Variants in C17orf99 observed in about 807,000 individuals in gnomAD.
C17orf99 encodes the protein chromosome 17 open reading frame 99, also known as protein IL-40.
In C17orf99, 18 loss-of-function variants were observed where a neutral mutation model predicts 22.6. That is an observed-to-expected ratio of 0.80 (90% CI 0.55 to 1.18). The LOEUF (loss-of-function observed/expected upper bound fraction) is 1.18. Ranked by LOEUF, C17orf99 falls within the 50% of genes most tolerant of loss-of-function variation. C17orf99 has a pLI of 0.00. For synonymous variants in C17orf99, 147 were observed against 136.6 expected (o/e 1.08, Z -0.53); for missense variants, 328 against 342.7 (o/e 0.96, Z 0.34).
chr17:78,157,424 A>C (rs1403628818), intron 2 of C17orf99: 30 of 1,300,364 alleles, frequency 2.3e-5, no homozygotes, highest in African/African-American at 4.5e-5. Flanking sequence ...AGCCTCTTAA[A>C]ATGGCAGATG....
intron 2 of C17orf99, among the ~76,000 whole-genome samples, chr17:78,156,700 T>C (rs1435005194): frequency 6.6e-6 from 1 of 152,198 alleles, no homozygotes; most frequent in African/African-American, 2.4e-5. Flanking sequence ...AGCTTCAGTC[T>C]CCCAAGCTCA....
rs182898214 is a variant in C17orf99 at position 78,149,899 on chromosome 17, T to C, written c.70+2988T>C. On this transcript the variant is annotated intron_variant, in intron 2 of 4. Transcript: ENST00000340363. ...TAATTTTTTGTACTTTTACTAGAGA[T>C]GGGGTTTCACCATGTTAGCCAGGAT... Among the ~76,000 whole-genome samples, 12 of 151,710 alleles carry C rather than the reference T, an allele frequency of 7.9e-5. No homozygotes were observed. The East Asian group carries it at 9.7e-4, about 12-fold the overall frequency.
intron 2 of C17orf99, among the ~76,000 whole-genome samples, chr17:78,149,965 T>C (rs2075467991): frequency 6.6e-6 from 1 of 151,916 alleles, no homozygotes; most frequent in Admixed American, 6.6e-5. Flanking sequence ...CACCTTGGCC[T>C]CCCAAAGTGC....
At chr17:78,147,014 G>A in intron 2 of C17orf99, 103 bp downstream of exon 2, 1 of 969,626 alleles carries the variant, frequency 1.0e-6, no homozygotes, top group East Asian at 2.6e-5. Context: ...AGTTACTAGT[G>A]GGGAGGTGTG....
At chr17:78,150,879 T>C (rs1279418573) in intron 2 of C17orf99, among the ~76,000 whole-genome samples, 1 of 152,144 alleles carries the variant, frequency 6.6e-6, no homozygotes, top group African/African-American at 2.4e-5. Flanking sequence ...ATCGAGCACT[T>C]TGGGAGGCCG....
chr17:78,160,947 T>C lies in C17orf99; in HGVS notation c.71-8T>C. 1 of 1,546,360 alleles carries C rather than the reference T, an allele frequency of 6.5e-7. No homozygotes were observed. The highest frequency in any genetic ancestry group is 8.7e-7 in the Non-Finnish European group (1 of 1,143,030). ...CTTTCTTCCTCCTTGGACCTTTTCA[T>C]CTCCCAGAAATTACCCCTGTGGTCT... On this transcript the variant is annotated splice_polypyrimidine_tract_variant and splice_region_variant and intron_variant, in intron 2 of 4. Transcript: ENST00000340363.
At chr17:78,149,218 G>T (rs1424225556) in intron 2 of C17orf99, among the ~76,000 whole-genome samples, 1 of 151,712 alleles carries the variant, frequency 6.6e-6, no homozygotes, top group African/African-American at 2.4e-5. Context: ...TGTAATCCCA[G>T]CTACTCGGGA....
At position 78,164,203 on chromosome 17, in the gene C17orf99, G is replaced by A. The variant is rs757161338; in HGVS notation, c.479G>A (p.Ser160Asn). Residue 160 changes from serine (S) to asparagine (N), a missense_variant, in exon 4 of 5, where the codon AGC becomes AAC. Transcript: ENST00000340363. Reference sequence around the variant, plus strand: ...TCGGGCAGCCCACCTATCACCAACAGCCTGATCGGGAAGGATGGGCAGGTC... The same window carrying A: ...TCGGGCAGCCCACCTATCACCAACAACCTGATCGGGAAGGATGGGCAGGTC... Reference protein sequence around the residue: ...ASSGSPPITNSLIGKDGQVHL... With the variant: ...ASSGSPPITNNLIGKDGQVHL... 2.6e-6 allele frequency: 4 copies of A among 1,551,662 alleles called. No homozygotes were observed. The highest frequency in any genetic ancestry group is 3.5e-6 in the Non-Finnish European group (4 of 1,147,016).
At chr17:78,164,519 C>A in intron 4 of C17orf99, 155 bp downstream of exon 4, 1 of 1,536,832 alleles carries the variant, frequency 6.5e-7, no homozygotes. Context: ...CCCACCCTGG[C>A]CCCTGCCTAA....
chr17:78,164,876 C>T (rs750195913), intron 4 of C17orf99: 4 of 1,180,220 alleles, frequency 3.4e-6, no homozygotes, highest in South Asian at 3.3e-5. Flanking sequence ...ACATTCAAGG[C>T]GTTATCGGAC....
Position 78,164,132 on chromosome 17 carries a change from G to A in C17orf99, c.408G>A (p.Gln136=), listed in dbSNP as rs1490204497. The stretch of plus-strand genomic sequence containing the variant: ...AGCTGCGGGCCAACTTCACTCTGCA[G>A]GACAGAGGGGCAGGCCCCAGGGTGG... ...VSELRANFTL[Q]DRGAGPRVEM... Residue 136 remains glutamine (Q), a synonymous_variant, in exon 4 of 5, where the codon CAG becomes CAA. Transcript: ENST00000340363. 11 of 1,551,614 alleles carry A rather than the reference G, an allele frequency of 7.1e-6. No individual in the cohort carries two copies. Among genetic ancestry groups the A allele is most frequent in the Non-Finnish European group, 9.6e-6 (11 of 1,147,026 alleles).
intron 2 of C17orf99, among the ~76,000 whole-genome samples, chr17:78,149,712 A>AT (rs547613367): frequency 0.025 from 3,500 of 140,964 alleles, 132 homozygotes; most frequent in African/African-American, 0.079. Flanking sequence ...ATTTAATTTA[A>AT]TTTTTTTTTT....
intron 2 of C17orf99, chr17:78,157,542 T>C: frequency 2.2e-6 from 2 of 895,046 alleles, no homozygotes; most frequent in Non-Finnish European, 3.3e-6. Context: ...CTCACGCCCG[T>C]AATCCCATCA....
chr17:78,157,433 T>C (rs2075535489), intron 2 of C17orf99: 2 of 1,300,024 alleles, frequency 1.5e-6, no homozygotes, highest in Non-Finnish European at 2.1e-6. Context: ...AAATGGCAGA[T>C]GATTTGGACT....
At chr17:78,160,816 C>CA in intron 2 of C17orf99, 139 bp from the exon 3 acceptor site, 1 of 668,604 alleles carries the variant, frequency 1.5e-6, no homozygotes. Flanking sequence ...CTCCTGACCT[C>CA]AAGTGATCCG....
At chr17:78,158,264 C>G in intron 2 of C17orf99, 1 of 518,274 alleles carries the variant, frequency 1.9e-6, no homozygotes, top group Non-Finnish European at 3.7e-6. Context: ...TGGCTTGGCT[C>G]TGCCCTGGTC....
intron 2 of C17orf99, among the ~76,000 whole-genome samples, chr17:78,150,051 C>T (rs939125006): frequency 1.1e-4 from 16 of 150,334 alleles, no homozygotes; most frequent in African/African-American, 3.4e-4. Flanking sequence ...CCATGTTGCC[C>T]AGGTTGGAAT....
chr17:78,165,296 T>A, intron 4 of C17orf99: 4 of 986,044 alleles, frequency 4.1e-6, no homozygotes, highest in Non-Finnish European at 4.8e-6. Flanking sequence ...GCCCAGGCCC[T>A]TACGTGGCTC....
chr17:78,164,392 G>A (rs1178799705), intron 4 of C17orf99, 28 bp downstream of exon 4: 1 of 1,551,150 alleles, frequency 6.4e-7, no homozygotes, highest in South Asian at 1.2e-5. Flanking sequence ...TTTCCAGAGG[G>A]GCAGCTGGCG....
Sources: allele counts gnomAD v4.1 joint callset (sites outside exome capture counted in the v4.1 genomes callset), GRCh38; gene constraint gnomAD v4.1.1; transcripts MANE v1.5; gene names NCBI Gene and HGNC (gene_info 2026-07-23, HGNC 2026-07-21).